UTP11: variants seen among roughly 807,000 people sequenced by gnomAD.
The protein encoded by UTP11 is UTP11 small subunit processome component, also known as probable U3 small nucleolar RNA-associated protein 11.
In UTP11, 29 loss-of-function variants were observed where a neutral mutation model predicts 39.0. That is an observed-to-expected ratio of 0.74 (90% CI 0.55 to 1.01). The LOEUF is 1.01. Among genes scored for constraint, UTP11 ranks in the 50% least tolerant of loss-of-function variants. The pLI is 0.00. For synonymous variants in UTP11, 111 were observed against 105.0 expected, an observed-to-expected ratio of 1.06 and a Z score of -0.35; for missense variants, 281 against 306.0, an observed-to-expected ratio of 0.92 and a Z score of 0.61.
chr1:38,012,766 G>A lies in UTP11; in HGVS notation c.-37G>A, dbSNP rs912683589. 9 of 1,613,840 alleles carry A rather than the reference G, an allele frequency of 5.6e-6. No homozygotes were observed. The Admixed American group carries it at 6.7e-5, about 12-fold the overall frequency. The stretch of plus-strand genomic sequence containing the variant: ...TTGGCGGCAGAGGCAGTGCGGATCC[G>A]GCGTTCTCCACTGATCTTTTCCAAG... On this transcript the variant is annotated 5_prime_UTR_variant, in exon 1 of 8. Transcript: ENST00000373014.
rs761608200 is a variant in UTP11, at chr1:38,012,793, C to T, written c.-10C>T. The T allele has an allele frequency of 1.9e-6, 3 of 1,614,232 alleles. No homozygotes were observed. The highest frequency in any genetic ancestry group is 2.5e-6 in the Non-Finnish European group (3 of 1,180,040). ...CGTTCTCCACTGATCTTTTCCAAGG[C>T]TGTACAGACATGGCGGCGGCTTTTC... is the stretch of plus-strand genomic sequence containing the variant. On this transcript the variant is annotated 5_prime_UTR_variant, in exon 1 of 8. Transcript: ENST00000373014.
intron 1 of UTP11, 116 bp from the exon 2 acceptor site, chr1:38,016,243 A>C: frequency 9.5e-7 from 1 of 1,055,494 alleles, no homozygotes. Context: ...GGTTAGCTCC[A>C]AGGACTGGAT....
chr1:38,022,378 A>AT lies in UTP11; in HGVS notation c.568-309dup, dbSNP rs1043546226. 1.3e-3 allele frequency among the ~76,000 whole-genome samples: 197 copies of AT among 146,396 alleles called. 1 individual carries two copies. The highest frequency in any genetic ancestry group is 7.9e-4 in the East Asian group (4 of 5,070). Reference sequence around the variant, plus strand: ...TACAGGGTTCCTTTTTTAATTTTTAATTTTTTTTTTTTGAGACAGAGTCTC... The same window carrying AT: ...TACAGGGTTCCTTTTTTAATTTTTAATTTTTTTTTTTTTGAGACAGAGTCTC... On this transcript the variant is annotated intron_variant, in intron 6 of 7. Transcript: ENST00000373014.
At chr1:38,017,487 A>G (rs560826930) in intron 2 of UTP11, 181 bp from the exon 3 acceptor site, 2 of 466,160 alleles carry the variant, frequency 4.3e-6, no homozygotes, top group South Asian at 8.4e-5. Flanking sequence ...CCCTGCGAAG[A>G]CATGAGCTCA....
rs149048195 is a variant in UTP11 at position 38,017,748 on chromosome 1, A to G, written c.206A>G (p.Lys69Arg). The G allele has an allele frequency of 7.6e-5, 122 of 1,612,418 alleles. No homozygotes were observed. The African/African-American group carries it at 9.1e-4, about 12-fold the overall frequency. Residue 69 changes from lysine (K) to arginine (R), a missense_variant, in exon 3 of 8, where the codon AAA becomes AGA. Transcript: ENST00000373014. ...AAAAATCCAGATGAATTCTACTACA[A>G]AATGACTCGGGTTAAACTCCAGGTG... ...LEKNPDEFYY[K>R]MTRVKLQDGV...
rs111498247 is a variant in UTP11 at position 38,012,887 on chromosome 1, A to G, written c.63+22A>G. 480 of 1,614,144 alleles carry G rather than the reference A, an allele frequency of 3.0e-4. 1 individual carries two copies. Among genetic ancestry groups the G allele is most frequent in the African/African-American group, 2.5e-3 (184 of 75,078 alleles). ...CCAGGTAGGACCATACAGGCCCCAC[A>G]AGTGCTGGCCTTTGTCGCCATGTGT... On this transcript the variant is annotated intron_variant, in intron 1 of 7. Coordinates refer to ENST00000373014, the MANE Select transcript of UTP11 (RefSeq NM_016037.4).
At position 38,018,464 on chromosome 1, in the gene UTP11, G is replaced by T. The variant is rs764279903; in HGVS notation, c.229G>T (p.Asp77Tyr). 7 of 1,602,482 alleles carry T rather than the reference G, an allele frequency of 4.4e-6. No homozygotes were observed. Among genetic ancestry groups the T allele is most frequent in the Non-Finnish European group, 6.0e-6 (7 of 1,173,046 alleles). ...YYKMTRVKLQ[D>Y]GVHIIKETKE... ...TATATCTTTTAAATTTGGATTTTAG[G>T]ATGGAGTACATATTATTAAGGAGAC... is the stretch of plus-strand genomic sequence containing the variant. Residue 77 changes from aspartate (D) to tyrosine (Y), a missense_variant and splice_region_variant, in exon 4 of 8, where the codon GAT (aspartate) becomes TAT (tyrosine). Asp to Tyr is a radical substitution (Grantham distance 160, BLOSUM62 -3). Coordinates refer to ENST00000373014, the MANE Select transcript of UTP11 (RefSeq NM_016037.4).
intron 1 of UTP11, among the ~76,000 whole-genome samples, chr1:38,014,010 C>T (rs1167678766): frequency 6.6e-6 from 1 of 152,186 alleles, no homozygotes; most frequent in Non-Finnish European, 1.5e-5. Context: ...CCCCTGCACC[C>T]GGCCAAAACT....
At chr1:38,022,404 A>G (rs1646742409) in intron 6 of UTP11, among the ~76,000 whole-genome samples, 1 of 151,310 alleles carries the variant, frequency 6.6e-6, no homozygotes, top group Non-Finnish European at 1.5e-5. Context: ...ACAGAGTCTC[A>G]TTATGTTGCC....
intron 6 of UTP11, among the ~76,000 whole-genome samples, chr1:38,022,433 C>CT (rs2148739553): frequency 6.6e-6 from 1 of 152,080 alleles, no homozygotes; most frequent in East Asian, 1.9e-4. Context: ...TCTGGAACTC[C>CT]TGGGCTCAAG....
chr1:38,016,600 C>T, intron 2 of UTP11, 180 bp downstream of exon 2: 1 of 615,134 alleles, frequency 1.6e-6, no homozygotes, highest in Non-Finnish European at 2.9e-6. Flanking sequence ...TTTGTTTAGG[C>T]AGATCATTAT....
Position 38,019,350 on chromosome 1 carries a change from A to T in UTP11, c.534A>T (p.Lys178Asn), listed in dbSNP as rs757556340. 9 of 1,613,994 alleles carry T rather than the reference A, an allele frequency of 5.6e-6. No individual in the cohort carries two copies. The highest frequency in any genetic ancestry group is 6.8e-6 in the Non-Finnish European group (8 of 1,179,974). ...GGATAGAGACCTTGCAGAAAGAAAA[A>T]GTGAAAGGAGTTACCAATCAGACTG... ...RPRIETLQKE[K>N]VKGVTNQTGL... The change falls in exon 6 of 8, where the codon AAA (lysine) becomes AAT (asparagine). Residue 178 changes from lysine (K) to asparagine (N), a missense_variant. Lys to Asn is a moderately conservative substitution (Grantham distance 94). Coordinates refer to ENST00000373014, the MANE Select transcript of UTP11 (RefSeq NM_016037.4).
chr1:38,012,827 G>A lies in UTP11; in HGVS notation c.25G>A (p.Ala9Thr). 1 of 1,614,208 alleles carries A rather than the reference G, an allele frequency of 6.2e-7. No homozygotes were observed. Among genetic ancestry groups the A allele is most frequent in the South Asian group, 1.1e-5 (1 of 91,086 alleles). The change falls in exon 1 of 8, where the codon GCT (alanine) becomes ACT (threonine). Residue 9 changes from alanine (A) to threonine (T), a missense_variant. Physicochemically the swap from Ala to Thr is moderately conservative, Grantham distance 58. Transcript: ENST00000373014. MAAAFRKA[A>T]KSRQREHRER... Reference sequence around the variant, plus strand: ...CATGGCGGCGGCTTTTCGGAAGGCGGCTAAGTCCCGGCAGCGGGAACACAG... The same window carrying A: ...CATGGCGGCGGCTTTTCGGAAGGCGACTAAGTCCCGGCAGCGGGAACACAG...
intron 1 of UTP11, among the ~76,000 whole-genome samples, chr1:38,015,935 G>T (rs577145905): frequency 3.3e-5 from 5 of 152,214 alleles, no homozygotes; most frequent in Non-Finnish European, 7.3e-5. Context: ...TTGTTCAGAG[G>T]TAAAGCTTGG....
At position 38,018,470 on chromosome 1, in the gene UTP11, G is replaced by T. The variant is rs1302944663; in HGVS notation, c.235G>T (p.Val79Leu). The T allele has an allele frequency of 1.2e-6, 2 of 1,607,432 alleles. No individual in the cohort carries two copies. Among genetic ancestry groups the T allele is most frequent in the Admixed American group, 1.7e-5 (1 of 59,140 alleles). ...TTTTAAATTTGGATTTTAGGATGGA[G>T]TACATATTATTAAGGAGACTAAGGA... is the stretch of plus-strand genomic sequence containing the variant. ...KMTRVKLQDG[V>L]HIIKETKEEV... Residue 79 changes from valine (V) to leucine (L), a missense_variant, in exon 4 of 8, where the codon GTA becomes TTA. Physicochemically the swap from Val to Leu is conservative, Grantham distance 32. Transcript: ENST00000373014.
rs2148739705 is a variant in UTP11 at position 38,022,763 on chromosome 1, A to C, written c.632A>C (p.Lys211Thr). Residue 211 changes from lysine (K) to threonine (T), a missense_variant, in exon 7 of 8, where the codon AAA (lysine) becomes ACA (threonine). Coordinates refer to ENST00000373014, the MANE Select transcript of UTP11 (RefSeq NM_016037.4). Reference sequence around the variant, plus strand: ...ACACAGCGGATTGAACGAGAGAAGAAATTGTTCGTTATTGCTCAGAAAATT... The same window carrying C: ...ACACAGCGGATTGAACGAGAGAAGACATTGTTCGTTATTGCTCAGAAAATT... ...CLTQRIEREKKLFVIAQKIQT... is the reference protein window; with the variant it reads ...CLTQRIEREKTLFVIAQKIQT... The C allele has an allele frequency of 6.2e-7, 1 of 1,614,142 alleles. No individual in the cohort carries two copies. The highest frequency in any genetic ancestry group is 1.1e-5 in the South Asian group (1 of 91,082).
At chr1:38,016,992 G>A (rs1208084246) in intron 2 of UTP11, 2 of 154,834 alleles carry the variant, frequency 1.3e-5, no homozygotes, top group African/African-American at 4.8e-5. Context: ...GGTCTAGATG[G>A]TGGTGATGGA....
At position 38,019,402 on chromosome 1, in the gene UTP11, C is replaced by G. The variant is rs1570501393; in HGVS notation, c.567+19C>G. 1.9e-6 allele frequency: 3 copies of G among 1,587,794 alleles called. No individual in the cohort carries two copies. Among genetic ancestry groups the G allele is most frequent in the Non-Finnish European group, 2.6e-6 (3 of 1,166,898 alleles). On this transcript the variant is annotated intron_variant, in intron 6 of 7. Coordinates refer to ENST00000373014, the MANE Select transcript of UTP11 (RefSeq NM_016037.4). The stretch of plus-strand genomic sequence containing the variant: ...ACTTAAGGTAATTTTCTCTGTTGTT[C>G]TTCACATGTGAGCTTAGGGGAATCT...
At position 38,016,294 on chromosome 1, in the gene UTP11, G is replaced by T. The variant is rs1361401185; in HGVS notation, c.64-65G>T. ...GAGACTCCTGTGCCTGTTAGATGTC[G>T]TGTTGATTTGGATATGTGTTTGCGG... On this transcript the variant is annotated intron_variant, in intron 1 of 7. Coordinates refer to ENST00000373014, the MANE Select transcript of UTP11 (RefSeq NM_016037.4). 4 of 1,513,210 alleles carry T rather than the reference G, an allele frequency of 2.6e-6. No individual in the cohort carries two copies. In the Admixed American group the frequency reaches 5.0e-5, roughly 19 times the overall value. The allele number at this position is 1,513,210 out of a possible 1,614,324, so 93.7% of individuals were successfully genotyped here. A position where few individuals can be genotyped will look rare whatever the true frequency, so the allele number is the denominator to read the frequency against.
Sources: gnomAD v4.1 joint callset for allele counts (sites outside exome capture counted in the v4.1 genomes callset) on GRCh38, gnomAD v4.1.1 for gene constraint, MANE v1.5 for transcripts, NCBI Gene and HGNC (gene_info 2026-07-23, HGNC 2026-07-21) for gene names.